Variants in DNAJC1 observed in about 807,000 individuals in gnomAD.
DNAJC1 encodes the protein DnaJ heat shock protein family (Hsp40) member C1, also known as dnaJ homolog subfamily C member 1.
DNAJC1 carries 58 observed loss-of-function variants against 76.6 expected under a neutral mutation model. That is an observed-to-expected ratio of 0.76 (90% CI 0.61 to 0.94). The LOEUF (loss-of-function observed/expected upper bound fraction) is 0.94, where lower values mean the gene tolerates loss of function less well. Ranked by LOEUF, DNAJC1 falls within the 40% of genes least tolerant of loss-of-function variation. DNAJC1 has a pLI of 0.00. For synonymous variants in DNAJC1, 258 were observed against 267.9 expected (o/e 0.96, Z 0.36); for missense variants, 689 against 677.3 (o/e 1.02, Z -0.19).
intron 1 of DNAJC1, among the ~76,000 whole-genome samples, chr10:21,990,731 A>T (rs1304270369): frequency 6.6e-6 from 1 of 152,160 alleles, no homozygotes; most frequent in African/African-American, 2.4e-5. Flanking sequence ...CAGTTTTAAA[A>T]TTTTTGTTTT....
At chr10:21,816,026 G>A (rs555350335) in intron 8 of DNAJC1, among the ~76,000 whole-genome samples, 2 of 151,738 alleles carry the variant, frequency 1.3e-5, no homozygotes, top group South Asian at 2.1e-4. Context: ...TTACAGGCAT[G>A]AGCCACCGCG....
intron 6 of DNAJC1, among the ~76,000 whole-genome samples, chr10:21,915,266 G>A (rs940161759): frequency 1.3e-5 from 2 of 152,158 alleles, no homozygotes; most frequent in Non-Finnish European, 2.9e-5. Flanking sequence ...TAATAAAAGC[G>A]AACTTGGGAG....
intron 8 of DNAJC1, among the ~76,000 whole-genome samples, chr10:21,829,221 G>T (rs1189038436): frequency 1.4e-5 from 2 of 141,944 alleles, no homozygotes; most frequent in Admixed American, 7.0e-5. Context: ...GTTCGTTTTT[G>T]TTTTTTTTTT....
intron 1 of DNAJC1, among the ~76,000 whole-genome samples, chr10:21,940,999 C>A (rs1252704373): frequency 6.6e-6 from 1 of 151,366 alleles, no homozygotes; most frequent in Non-Finnish European, 1.5e-5. Context: ...CGCCTGTAAT[C>A]CCAGCACTTT....
intron 9 of DNAJC1, among the ~76,000 whole-genome samples, chr10:21,789,343 A>G (rs897271107): frequency 2.0e-5 from 3 of 152,174 alleles, no homozygotes; most frequent in African/African-American, 7.2e-5. Context: ...CCACTTCCCA[A>G]CTGGCACTGT....
At chr10:21,812,696 C>T (rs2131646721) in intron 8 of DNAJC1, among the ~76,000 whole-genome samples, 1 of 152,222 alleles carries the variant, frequency 6.6e-6, no homozygotes, top group South Asian at 2.1e-4. Flanking sequence ...CCTCCGCAGA[C>T]ATGAGCCACC....
chr10:21,770,432 C>T (rs1264605160), intron 9 of DNAJC1, among the ~76,000 whole-genome samples: 2 of 123,578 alleles, frequency 1.6e-5, no homozygotes, highest in Non-Finnish European at 3.2e-5. Flanking sequence ...GAGTCTAGCT[C>T]TGTCGCCCAG....
At chr10:21,848,396 GCTGT>G (rs1322484478) in intron 8 of DNAJC1, among the ~76,000 whole-genome samples, 2 of 151,972 alleles carry the variant, frequency 1.3e-5, no homozygotes, top group Admixed American at 6.6e-5. Context: ...CATTCCATAG[GCTGT>G]CTCTTTGTTG....
At chr10:21,954,286 G>A (rs555184013) in intron 1 of DNAJC1, among the ~76,000 whole-genome samples, 87 of 152,218 alleles carry the variant, frequency 5.7e-4, no homozygotes, top group Non-Finnish European at 1.1e-3. Context: ...TCATAAATCA[G>A]ACACTCTCAT....
At chr10:21,921,163 G>T (rs1837036855) in intron 3 of DNAJC1, among the ~76,000 whole-genome samples, 200 bp from the exon 4 acceptor site, 1 of 151,892 alleles carries the variant, frequency 6.6e-6, no homozygotes, top group South Asian at 2.1e-4. Context: ...TCAAAAAAGT[G>T]TCCAGTAATA....
At chr10:21,862,504 C>T (rs1258511505) in intron 8 of DNAJC1, among the ~76,000 whole-genome samples, 5 of 148,520 alleles carry the variant, frequency 3.4e-5, no homozygotes, top group Non-Finnish European at 3.0e-5. Context: ...TCTTGGCTGA[C>T]TACAACCTCT....
chr10:21,817,574 C>A (rs940162696), intron 8 of DNAJC1, among the ~76,000 whole-genome samples: 2 of 151,862 alleles, frequency 1.3e-5, no homozygotes, highest in African/African-American at 4.8e-5. Context: ...TTCTTAAGAC[C>A]TCCTAGGAAG....
intron 9 of DNAJC1, among the ~76,000 whole-genome samples, chr10:21,787,888 C>A (rs976285343): frequency 6.6e-6 from 1 of 152,246 alleles, no homozygotes; most frequent in African/African-American, 2.4e-5. Flanking sequence ...GTGTTCCTCC[C>A]GCTGTGGCCT....
chr10:21,991,278 G>A (rs1278692830), intron 1 of DNAJC1, among the ~76,000 whole-genome samples: 1 of 152,054 alleles, frequency 6.6e-6, no homozygotes, highest in Non-Finnish European at 1.5e-5. Context: ...CTAATATACT[G>A]TTAATAAATA....
chr10:21,975,607 T>C (rs911212467), intron 1 of DNAJC1, among the ~76,000 whole-genome samples: 4 of 152,214 alleles, frequency 2.6e-5, no homozygotes, highest in African/African-American at 7.2e-5. Context: ...CAAGGCCAAT[T>C]AACCCTTTCA....
In DNAJC1 at chr10:21,896,526, CTGTT is replaced by C. The variant is rs1023618506; in HGVS notation, c.820+7992_820+7995del. Reference sequence around the variant, plus strand: ...TCATTATAATGTGGAAGCATAGAAACTGTTTGATTTCACAGGTTCACAGGTAGAG... The same window carrying C: ...TCATTATAATGTGGAAGCATAGAAACTGATTTCACAGGTTCACAGGTAGAG... On this transcript the variant is annotated intron_variant, in intron 7 of 11. Coordinates refer to ENST00000376980, the MANE Select transcript of DNAJC1 (RefSeq NM_022365.4). Among the ~76,000 whole-genome samples, 18 of 152,114 alleles carry C rather than the reference CTGTT, an allele frequency of 1.2e-4. 1 individual carries two copies. The highest frequency in any genetic ancestry group is 4.1e-4 in the South Asian group (2 of 4,830).
At chr10:21,888,861 A>G (rs1836411474) in intron 7 of DNAJC1, among the ~76,000 whole-genome samples, 1 of 152,156 alleles carries the variant, frequency 6.6e-6, no homozygotes, top group African/African-American at 2.4e-5. Flanking sequence ...AATAATCTGT[A>G]CAACAAGTCC....
intron 8 of DNAJC1, among the ~76,000 whole-genome samples, chr10:21,868,224 A>T (rs1163796148): frequency 1.4e-5 from 2 of 148,014 alleles, no homozygotes; most frequent in African/African-American, 5.0e-5. Context: ...TCCTGGGTTC[A>T]AGTGATTCTC....
At chr10:21,757,073 C>A (rs1250298431) in intron 11 of DNAJC1, among the ~76,000 whole-genome samples, 1 of 152,246 alleles carries the variant, frequency 6.6e-6, no homozygotes, top group African/African-American at 2.4e-5. Context: ...TAACACTTCA[C>A]TCTTTTATCA....
Sources: gnomAD v4.1 joint callset for allele counts (sites outside exome capture counted in the v4.1 genomes callset) on GRCh38, gnomAD v4.1.1 for gene constraint, MANE v1.5 for transcripts, NCBI Gene and HGNC (gene_info 2026-07-23, HGNC 2026-07-21) for gene names.